The following RBFOX1 variants were observed in gnomAD, a reference collection of about 807,000 sequenced individuals.
The protein encoded by RBFOX1 is RNA binding protein fox-1 homolog 1.
RBFOX1 carries 8 observed loss-of-function variants against 57.7 expected under a neutral mutation model. That is an observed-to-expected ratio of 0.14 (90% CI 0.08 to 0.25). The LOEUF is 0.25. RBFOX1 is among the 10% of genes least tolerant of loss of function. The pLI, the probability that RBFOX1 is intolerant of heterozygous loss-of-function variation, is 1.00. For missense variants in RBFOX1, 611 were observed against 548.5 expected, an observed-to-expected ratio of 1.11 and a Z score of -1.14; for synonymous variants, 326 against 222.4, an observed-to-expected ratio of 1.47 and a Z score of -4.15.
chr16:5,416,830 A>C (rs2067173759), intron 1 of RBFOX1, among the ~76,000 whole-genome samples: 1 of 152,166 alleles, frequency 6.6e-6, no homozygotes, highest in Non-Finnish European at 1.5e-5. Flanking sequence ...TCTTATCTAC[A>C]TTCAGTAAGA....
At chr16:6,913,143 TTTTTG>T (rs1238866134) in intron 3 of RBFOX1, among the ~76,000 whole-genome samples, 1 of 152,104 alleles carries the variant, frequency 6.6e-6, no homozygotes. Flanking sequence ...AAGACACGTT[TTTTTG>T]TTTTGTTTTG....
intron 3 of RBFOX1, among the ~76,000 whole-genome samples, chr16:6,761,781 A>G (rs541031561): frequency 1.4e-3 from 211 of 152,166 alleles, no homozygotes; most frequent in African/African-American, 4.9e-3. Flanking sequence ...CTGGGATTAC[A>G]GGCATGAGCC....
At chr16:6,504,450 A>C (rs1476586537) in intron 2 of RBFOX1, among the ~76,000 whole-genome samples, 1 of 152,194 alleles carries the variant, frequency 6.6e-6, no homozygotes, top group Non-Finnish European at 1.5e-5. Context: ...TGCACAGAGT[A>C]CCGGGGTAGT....
At chr16:7,304,607 G>C in intron 4 of RBFOX1, 4 of 983,114 alleles carry the variant, frequency 4.1e-6, no homozygotes, top group Non-Finnish European at 4.8e-6. Context: ...CCCGCGTTGC[G>C]ATGGAAAGGG....
At chr16:6,345,961 C>T (rs541425059) in intron 2 of RBFOX1, among the ~76,000 whole-genome samples, 5 of 152,174 alleles carry the variant, frequency 3.3e-5, no homozygotes, top group South Asian at 2.1e-4. Flanking sequence ...AGACTCAAAG[C>T]GGGGAGGGGG....
At chr16:7,032,352 C>G (rs1280533803) in intron 3 of RBFOX1, among the ~76,000 whole-genome samples, 2 of 151,778 alleles carry the variant, frequency 1.3e-5, no homozygotes, top group African/African-American at 4.8e-5. Flanking sequence ...GGCTGAGGCA[C>G]AAGAATTGCT....
chr16:5,782,157 G>T (rs1175937492), intron 3 of RBFOX1, among the ~76,000 whole-genome samples: 2 of 152,254 alleles, frequency 1.3e-5, no homozygotes, highest in Non-Finnish European at 2.9e-5. Context: ...GTTGCAGTGA[G>T]ATGAGATGGC....
At chr16:5,428,982 AC>A (rs1324552261) in intron 1 of RBFOX1, among the ~76,000 whole-genome samples, 2 of 151,630 alleles carry the variant, frequency 1.3e-5, no homozygotes, top group Non-Finnish European at 2.9e-5. Flanking sequence ...CTTCCTAACA[AC>A]CCTCCGACCT....
intron 3 of RBFOX1, among the ~76,000 whole-genome samples, chr16:6,712,603 T>G (rs561042341): frequency 3.3e-5 from 5 of 152,188 alleles, no homozygotes; most frequent in Non-Finnish European, 5.9e-5. Context: ...ATAATATAAT[T>G]TAATCATTCC....
At chr16:6,708,035 C>T (rs1159667397) in intron 3 of RBFOX1, among the ~76,000 whole-genome samples, 2 of 152,054 alleles carry the variant, frequency 1.3e-5, no homozygotes, top group African/African-American at 4.8e-5. Flanking sequence ...AGAAGAAAGG[C>T]CCTTTTCCAT....
chr16:7,104,697 T>C (rs894005844), intron 4 of RBFOX1, among the ~76,000 whole-genome samples: 1 of 152,170 alleles, frequency 6.6e-6, no homozygotes, highest in African/African-American at 2.4e-5. Context: ...TCATGGTCAG[T>C]GGAGTTAAGG....
intron 3 of RBFOX1, among the ~76,000 whole-genome samples, chr16:6,740,704 C>T (rs757609964): frequency 1.3e-5 from 2 of 152,104 alleles, no homozygotes; most frequent in Non-Finnish European, 2.9e-5. Flanking sequence ...TTATCAAATG[C>T]TGATGAAAAA....
intron 2 of RBFOX1, among the ~76,000 whole-genome samples, chr16:6,327,013 T>G (rs760571790): frequency 1.3e-5 from 2 of 152,152 alleles, no homozygotes; most frequent in Non-Finnish European, 2.9e-5. Context: ...CGTTTTAAAC[T>G]TATCACACAG....
chr16:6,910,838 A>G (rs1427404955), intron 3 of RBFOX1, among the ~76,000 whole-genome samples: 1 of 152,170 alleles, frequency 6.6e-6, no homozygotes, highest in Non-Finnish European at 1.5e-5. Flanking sequence ...CTAAGCTTAT[A>G]TCCAGAAGAA....
chr16:5,859,742 G>A (rs745641477), intron 3 of RBFOX1, among the ~76,000 whole-genome samples: 2 of 152,162 alleles, frequency 1.3e-5, no homozygotes, highest in Non-Finnish European at 2.9e-5. Context: ...CCATTTTACA[G>A]GTATAAAATT....
At chr16:7,613,078 G>T (rs2057826729) in intron 10 of RBFOX1, among the ~76,000 whole-genome samples, 1 of 152,154 alleles carries the variant, frequency 6.6e-6, no homozygotes, top group African/African-American at 2.4e-5. Context: ...ATATAGTTAG[G>T]TCCCAGAGAT....
intron 1 of RBFOX1, among the ~76,000 whole-genome samples, chr16:5,298,263 C>G (rs925722238): frequency 6.6e-6 from 1 of 152,118 alleles, no homozygotes; most frequent in Non-Finnish European, 1.5e-5. Context: ...AAATAAAATA[C>G]ATTGTAGGCA....
At chr16:7,676,182 A>T (rs186199368) in intron 13 of RBFOX1, among the ~76,000 whole-genome samples, 3 of 152,340 alleles carry the variant, frequency 2.0e-5, no homozygotes, top group Admixed American at 2.0e-4. Flanking sequence ...ATCTTTGGCC[A>T]AAAAGAAATG....
chr16:6,860,581 C>T (rs143647916), intron 3 of RBFOX1, among the ~76,000 whole-genome samples: 13 of 152,142 alleles, frequency 8.5e-5, no homozygotes, highest in Non-Finnish European at 8.8e-5. Context: ...GAAGGAGACA[C>T]ATAGAAGATT....
Sources: gnomAD v4.1 joint callset for allele counts (sites outside exome capture counted in the v4.1 genomes callset) on GRCh38, gnomAD v4.1.1 for gene constraint, MANE v1.5 for transcripts, NCBI Gene and HGNC (gene_info 2026-07-23, HGNC 2026-07-21) for gene names.